SEC61A2: variants seen among roughly 807,000 people sequenced by gnomAD.
The protein encoded by SEC61A2 is protein transport protein Sec61 subunit alpha isoform 2.
Under a neutral mutation model 59.9 loss-of-function variants are expected in SEC61A2, and 28 were observed. That is an observed-to-expected ratio of 0.47 (90% confidence interval 0.35 to 0.64). SEC61A2 has a LOEUF of 0.64. Among genes scored for constraint, SEC61A2 ranks in the 30% least tolerant of loss-of-function variants. The pLI, the probability that SEC61A2 is intolerant of heterozygous loss-of-function variation, is 0.01. For synonymous variants in SEC61A2, 202 were observed against 214.4 expected (o/e 0.94, Z 0.50); for missense variants, 340 against 585.9 (o/e 0.58, Z 4.33).
At chr10:12,163,215 C>G (rs1834569190) in intron 11 of SEC61A2, among the ~76,000 whole-genome samples, 1 of 151,246 alleles carries the variant, frequency 6.6e-6, no homozygotes, top group South Asian at 2.1e-4. Flanking sequence ...GGGGCACAAT[C>G]ACAGCTCACC....
Position 12,136,156 on chromosome 10 carries a change from T to A in SEC61A2, c.127T>A (p.Leu43Ile). 6.3e-7 allele frequency: 1 copy of A among 1,590,576 alleles called. No homozygotes were observed. The highest frequency in any genetic ancestry group is 8.6e-7 in the Non-Finnish European group (1 of 1,158,616). The change falls in exon 3 of 12, where the codon TTA (leucine) becomes ATA (isoleucine). Residue 43 changes from leucine (L) to isoleucine (I), a missense_variant. By Grantham distance (5) the Leu-to-Ile change is conservative. Around this residue, in one of 3 missense-constraint regions of SEC61A2, gnomAD observed 41 missense variants for 47.6 expected, o/e 0.86. Coordinates refer to ENST00000298428, the MANE Select transcript of SEC61A2 (RefSeq NM_018144.4). ...GACTGCTATAACGCTCTTCATTTTC[T>A]TAGTGTGTTGTCAGGTATGTAACTA... ...LWTAITLFIFLVCCQIPLFGI... is the reference protein window; with the variant it reads ...LWTAITLFIFIVCCQIPLFGI...
chr10:12,149,807 T>G lies in SEC61A2; in HGVS notation c.353-45T>G, dbSNP rs961005817. ...AGATGTTTTCTCTAGTCTTTTCTTG[T>G]CTTTGGTGGTAAGCGTGCTCTCCTT... On this transcript the variant is annotated intron_variant, in intron 5 of 11. Transcript: ENST00000298428. The surrounding 1 kb of genome is among the most constrained non-coding windows in gnomAD (Gnocchi z 5.2). The G allele has an allele frequency of 1.2e-6, 2 of 1,607,118 alleles. No individual in the cohort carries two copies. The highest frequency in any genetic ancestry group is 1.7e-6 in the Non-Finnish European group (2 of 1,175,470).
In SEC61A2 at chr10:12,165,214, C is replaced by G; in HGVS notation, c.*760C>G. 1.0e-6 allele frequency: 1 copy of G among 985,360 alleles called. No homozygotes were observed. Among genetic ancestry groups the G allele is most frequent in the Non-Finnish European group, 1.2e-6 (1 of 829,904 alleles). 61.0% of individuals were successfully genotyped at this position (985,360 alleles called of 1,614,324 possible). On this transcript the variant is annotated 3_prime_UTR_variant, in exon 12 of 12. Transcript: ENST00000298428. ...GCCCCGATTCTTTTCTGTTTAAATC[C>G]CTAAAGCAAAGATCTAATTCTCAAG...
At chr10:12,136,257 TAAAG>T in intron 3 of SEC61A2, 87 bp downstream of exon 3, 1 of 828,690 alleles carries the variant, frequency 1.2e-6, no homozygotes, top group Non-Finnish European at 2.0e-6. Flanking sequence ...TTTGTTAAAA[TAAAG>T]AATACATTGA....
chr10:12,133,823 G>A lies in SEC61A2; in HGVS notation c.75+515G>A, dbSNP rs114915354. ...GAAGATATTGTGACTGGGTCAAATC[G>A]TTCTTCCATCATTGCAAACTTTCAG... On this transcript the variant is annotated intron_variant, in intron 2 of 11. Coordinates refer to ENST00000298428, the MANE Select transcript of SEC61A2 (RefSeq NM_018144.4). Among the ~76,000 whole-genome samples, 632 of 152,262 alleles carry A rather than the reference G, an allele frequency of 4.2e-3. 2 individuals are homozygous for A. The highest frequency in any genetic ancestry group is 0.014 in the African/African-American group (596 of 41,538).
At chr10:12,169,216 C>A, downstream of SEC61A2, 1 of 1,371,408 alleles carries the variant, frequency 7.3e-7, no homozygotes, top group Non-Finnish European at 1.0e-6. The surrounding 1 kb of genome is among the most constrained non-coding windows in gnomAD (Gnocchi z 4.8). Flanking sequence ...GCCCTCTCTC[C>A]ACCTCCCCTC....
chr10:12,150,245 GAT>G (rs1294363639), intron 6 of SEC61A2, among the ~76,000 whole-genome samples: 1 of 152,156 alleles, frequency 6.6e-6, no homozygotes. Context: ...TGATTCTTAA[GAT>G]ACACATTTGT....
At chr10:12,165,592 G>GT (rs1288712759), downstream of SEC61A2, 1 of 155,264 alleles carries the variant, frequency 6.4e-6, no homozygotes, top group Non-Finnish European at 1.4e-5. Flanking sequence ...CAGGAAAACA[G>GT]TGGTCTCAAA....
downstream of SEC61A2, chr10:12,166,585 T>C (rs1014414453): frequency 8.7e-6 from 3 of 343,314 alleles, no homozygotes; most frequent in African/African-American, 6.5e-5. Flanking sequence ...ATTAGCACTC[T>C]GATTTTATCT....
At chr10:12,166,759 A>G (rs1486956301), downstream of SEC61A2, 9 of 501,292 alleles carry the variant, frequency 1.8e-5, no homozygotes, top group African/African-American at 9.8e-5. Flanking sequence ...AGTCAACACA[A>G]AAAGAGCTAA....
At chr10:12,137,807 A>T (rs943792780) in intron 3 of SEC61A2, among the ~76,000 whole-genome samples, 5 of 152,118 alleles carry the variant, frequency 3.3e-5, no homozygotes, top group Non-Finnish European at 7.4e-5. Flanking sequence ...AGGAGTTGAG[A>T]CCAGTCTGGT....
chr10:12,137,852 A>G (rs1343159817), intron 3 of SEC61A2, among the ~76,000 whole-genome samples: 1 of 152,078 alleles, frequency 6.6e-6, no homozygotes, highest in Non-Finnish European at 1.5e-5. Flanking sequence ...CTAAAAATAC[A>G]AAAATTAGCC....
In SEC61A2 at chr10:12,129,925, G is replaced by A. The variant is rs1331417775; in HGVS notation, c.7+131G>A. 52 of 834,612 alleles carry A rather than the reference G, an allele frequency of 6.2e-5. No individual in the cohort carries two copies. Among genetic ancestry groups the A allele is most frequent in the Non-Finnish European group, 8.4e-5 (51 of 610,394 alleles). The allele number at this position is 834,612 out of a possible 1,614,324, so 51.7% of individuals were successfully genotyped here. ...GCGCGGGCCGCTCCGGGCCTCAGCG[G>A]AGGGCACGGGCCGGGGGCCTCCGCC... On this transcript the variant is annotated intron_variant, in intron 1 of 11. Transcript: ENST00000298428. This position sits in a 1 kb window ranked among gnomAD's most constrained non-coding sequence, Gnocchi z 5.6.
chr10:12,133,299 G>A lies in SEC61A2; in HGVS notation c.66G>A (p.Pro22=), dbSNP rs766857390. The change falls in exon 2 of 12, where the codon CCG becomes CCA. Residue 22 remains proline (P), a synonymous_variant. Coordinates refer to ENST00000298428, the MANE Select transcript of SEC61A2 (RefSeq NM_018144.4). ...FCAVLPEIQK[P]ERKIQFREKV... is the part of the protein sequence containing the mutation. The stretch of plus-strand genomic sequence containing the variant: ...CAGTTCTACCAGAAATTCAGAAACC[G>A]GAAAGGAAAGTAAGTATAATATTTT... 4.3e-5 allele frequency: 66 copies of A among 1,539,966 alleles called. No individual in the cohort carries two copies. The highest frequency in any genetic ancestry group is 5.5e-5 in the Non-Finnish European group (61 of 1,116,186).
At chr10:12,159,510 G>A (rs954847729) in intron 9 of SEC61A2, among the ~76,000 whole-genome samples, 1 of 152,068 alleles carries the variant, frequency 6.6e-6, no homozygotes, top group Admixed American at 6.6e-5. Context: ...GCAACATAGC[G>A]AGACCCCATC....
At chr10:12,130,526 T>G (rs1044348195) in intron 1 of SEC61A2, among the ~76,000 whole-genome samples, 9 of 152,094 alleles carry the variant, frequency 5.9e-5, no homozygotes, top group Non-Finnish European at 1.0e-4. Context: ...TGGTAAAATT[T>G]TGCATCACAA....
At chr10:12,141,429 T>C (rs1834017732) in intron 3 of SEC61A2, among the ~76,000 whole-genome samples, 1 of 152,168 alleles carries the variant, frequency 6.6e-6, no homozygotes, top group Admixed American at 6.6e-5. Context: ...AATCCCCACA[T>C]GGTTAAGGAG....
intron 3 of SEC61A2, among the ~76,000 whole-genome samples, chr10:12,139,867 G>A (rs1363555095): frequency 6.6e-6 from 1 of 151,730 alleles, no homozygotes; most frequent in Admixed American, 6.6e-5. Context: ...TACTTGGGAG[G>A]CTGAGGCAGG....
Position 12,142,652 on chromosome 10 carries a change from T to G in SEC61A2, c.142-465T>G, listed in dbSNP as rs1834046804. ...ATATGCCATCTTCATCATTTTTAGA[T>G]GTGCAGTTTAGTAACATTAGGAATG... On this transcript the variant is annotated intron_variant, in intron 3 of 11. Coordinates refer to ENST00000298428, the MANE Select transcript of SEC61A2 (RefSeq NM_018144.4). The surrounding 1 kb of genome is among the most constrained non-coding windows in gnomAD (Gnocchi z 5.4). 1.0e-5 allele frequency: 3 copies of G among 295,842 alleles called. No individual in the cohort carries two copies. Among genetic ancestry groups the G allele is most frequent in the Non-Finnish European group, 1.5e-5 (3 of 199,536 alleles). The allele number at this position is 295,842 out of a possible 1,614,324, so 18.3% of individuals were successfully genotyped here. A position where few individuals can be genotyped will look rare whatever the true frequency, so the allele number is the denominator to read the frequency against.
Sources: gnomAD v4.1 joint callset for allele counts (sites outside exome capture counted in the v4.1 genomes callset) on GRCh38, gnomAD v4.1.1 for gene constraint, gnomAD v4.1.1 regional missense constraint, Gnocchi (gnomAD v3.1) non-coding constraint, MANE v1.5 for transcripts, NCBI Gene and HGNC (gene_info 2026-07-23, HGNC 2026-07-21) for gene names.